Variants in KCNH5 observed in about 807,000 individuals in gnomAD.
KCNH5 encodes potassium voltage-gated channel subfamily H member 5, also known as voltage-gated delayed rectifier potassium channel KCNH5.
Under a neutral mutation model 96.1 loss-of-function variants are expected in KCNH5, and 46 were observed. The ratio of observed to expected loss-of-function variants is 0.48; its 90% CI spans 0.38 to 0.61. KCNH5 has a LOEUF of 0.61. Among genes scored for constraint, KCNH5 ranks in the 20% least tolerant of loss-of-function variants. The probability of loss-of-function intolerance (pLI) is 0.00; values close to 1 mark genes in which losing one functional copy is unlikely to be tolerated. For missense variants in KCNH5, 907 were observed against 1,225.8 expected (o/e 0.74, Z 3.88); for synonymous variants, 439 against 449.8 (o/e 0.98, Z 0.30).
At chr14:62,727,729 T>A (rs571747783) in intron 10 of KCNH5, among the ~76,000 whole-genome samples, 1 of 146,778 alleles carries the variant, frequency 6.8e-6, no homozygotes, top group Non-Finnish European at 1.5e-5. Flanking sequence ...CTGTGGGTGC[T>A]GAGAATACCA....
At chr14:63,024,495 A>G (rs1325191979) in intron 1 of KCNH5, among the ~76,000 whole-genome samples, 1 of 152,064 alleles carries the variant, frequency 6.6e-6, no homozygotes, top group Non-Finnish European at 1.5e-5. Context: ...GTGAAACTAC[A>G]AGTTGGTTTT....
At position 62,907,575 on chromosome 14, in the gene KCNH5, G is replaced by C. The variant is rs1309601186; in HGVS notation, c.1369+42558C>G. Among the ~76,000 whole-genome samples, 4 of 152,328 alleles carry C rather than the reference G, an allele frequency of 2.6e-5. No individual in the cohort carries two copies. The East Asian group carries it at 7.7e-4, about 29-fold the overall frequency. On this transcript the variant is annotated intron_variant, in intron 7 of 10. Transcript: ENST00000322893. ...CAGGGAGATCAGGTTTCCAGGACAG[G>C]AAACCAAGCACTGCAATCCACAAAT...
intron 7 of KCNH5, among the ~76,000 whole-genome samples, chr14:62,925,560 T>C (rs1889459077): frequency 1.3e-5 from 2 of 152,120 alleles, no homozygotes; most frequent in Admixed American, 6.6e-5. Context: ...TTTTGATACA[T>C]ACTCGTTCTG....
chr14:62,965,526 G>A (rs144600882), intron 6 of KCNH5, among the ~76,000 whole-genome samples: 181 of 152,226 alleles, frequency 1.2e-3, no homozygotes, highest in African/African-American at 4.1e-3. Flanking sequence ...CCATGCTCTT[G>A]AACTTCCTAA....
intron 7 of KCNH5, among the ~76,000 whole-genome samples, chr14:62,913,128 G>T (rs1314451081): frequency 3.3e-5 from 5 of 152,170 alleles, no homozygotes; most frequent in Admixed American, 2.0e-4. Context: ...GATTAATGAA[G>T]CTGCAGAATA....
intron 7 of KCNH5, among the ~76,000 whole-genome samples, chr14:62,914,987 G>T (rs1000662317): frequency 2.0e-5 from 3 of 152,184 alleles, no homozygotes; most frequent in African/African-American, 7.2e-5. Flanking sequence ...TAGTCACCTT[G>T]TATTTCCAGA....
In KCNH5 at chr14:62,802,360, G is replaced by T; in HGVS notation, c.1791C>A (p.Val597=). The T allele has an allele frequency of 6.2e-7, 1 of 1,614,060 alleles. No individual in the cohort carries two copies. The highest frequency in any genetic ancestry group is 1.1e-5 in the South Asian group (1 of 91,084). Residue 597 remains valine, a synonymous_variant, in exon 9 of 11, where the codon GTC becomes GTA. Coordinates refer to ENST00000322893, the MANE Select transcript of KCNH5 (RefSeq NM_139318.5). The stretch of plus-strand genomic sequence containing the variant: ...TAGCCACCACCTCATCATCCTGGAT[G>T]ACTTCCAAGGATCCTGACACCACAA... ...LCFVVSGSLE[V]IQDDEVVAIL... is the part of the protein sequence containing the mutation.
chr14:63,039,108 T>C (rs1566550683), intron 1 of KCNH5, among the ~76,000 whole-genome samples: 1 of 152,118 alleles, frequency 6.6e-6, no homozygotes, highest in Admixed American at 6.5e-5. Context: ...CTTTAAGACA[T>C]GTTTCAATTT....
intron 2 of KCNH5, among the ~76,000 whole-genome samples, chr14:63,015,970 G>A (rs971741633): frequency 1.3e-5 from 2 of 150,682 alleles, no homozygotes; most frequent in African/African-American, 4.9e-5. Context: ...GCATCAATGG[G>A]TAGAAAAAAC....
At chr14:62,904,409 G>A (rs1888987291) in intron 7 of KCNH5, among the ~76,000 whole-genome samples, 1 of 152,042 alleles carries the variant, frequency 6.6e-6, no homozygotes, top group Non-Finnish European at 1.5e-5. Context: ...AACTAGAGTG[G>A]GTGTTACATT....
At chr14:63,031,473 A>G (rs1891625163) in intron 1 of KCNH5, among the ~76,000 whole-genome samples, 1 of 152,100 alleles carries the variant, frequency 6.6e-6, no homozygotes, top group African/African-American at 2.4e-5. Context: ...CAATTCCAGG[A>G]GAAAAAAAAT....
intron 4 of KCNH5, among the ~76,000 whole-genome samples, chr14:62,999,311 T>A (rs1298178624): frequency 6.6e-6 from 1 of 152,256 alleles, no homozygotes. Flanking sequence ...TTTTCATGTG[T>A]CTTTTGGCTG....
chr14:62,970,477 G>T (rs1439554044), intron 6 of KCNH5, among the ~76,000 whole-genome samples: 1 of 152,120 alleles, frequency 6.6e-6, no homozygotes, highest in South Asian at 2.1e-4. Flanking sequence ...ATACTTTCTT[G>T]TGCATTTTAT....
At chr14:62,786,893 T>A (rs1409630547) in intron 9 of KCNH5, among the ~76,000 whole-genome samples, 1 of 152,202 alleles carries the variant, frequency 6.6e-6, no homozygotes, top group African/African-American at 2.4e-5. Context: ...GTGTGTGTTT[T>A]AACTACTCCA....
intron 6 of KCNH5, among the ~76,000 whole-genome samples, chr14:62,961,803 T>C (rs1018422317): frequency 5.3e-5 from 8 of 151,068 alleles, no homozygotes; most frequent in Admixed American, 5.3e-4. Context: ...CAGATGCAGA[T>C]GGAGATGGAG....
At chr14:62,991,782 T>A (rs1042410608) in intron 4 of KCNH5, among the ~76,000 whole-genome samples, 15 of 151,976 alleles carry the variant, frequency 9.9e-5, no homozygotes, top group Non-Finnish European at 2.1e-4. Flanking sequence ...CACAAACCCC[T>A]GCCAAAAATG....
In KCNH5 at chr14:62,700,295, AACTGGTTTCC is replaced by A. The variant is rs370013241; in HGVS notation, c.*7203_*7212del. On this transcript the variant is annotated 3_prime_UTR_variant, in exon 11 of 11. Coordinates refer to ENST00000322893, the MANE Select transcript of KCNH5 (RefSeq NM_139318.5). ...GTTTTAGGGTAAAAAAATGGTTCTA[AACTGGTTTCC>A]ACTTTTCATAACAATCACTTAAGAA... 1.6e-4 allele frequency: 24 copies of A among 152,318 alleles called. 2 individuals are homozygous for A. Among genetic ancestry groups the A allele is most frequent in the African/African-American group, 5.8e-4 (24 of 41,584 alleles). 9.4% of individuals were successfully genotyped at this position (152,318 alleles called of 1,614,324 possible).
intron 8 of KCNH5, among the ~76,000 whole-genome samples, chr14:62,807,122 T>C (rs187940026): frequency 6.6e-6 from 1 of 152,272 alleles, no homozygotes; most frequent in African/African-American, 2.4e-5. Flanking sequence ...CTCCTTTCCC[T>C]TTCTTATCAT....
chr14:62,720,420 A>G (rs1271024675), intron 10 of KCNH5, among the ~76,000 whole-genome samples: 1 of 151,870 alleles, frequency 6.6e-6, no homozygotes, highest in Non-Finnish European at 1.5e-5. Context: ...TCTACTAAAC[A>G]ACAACAAAAA....
Sources: gnomAD v4.1 joint callset for allele counts (sites outside exome capture counted in the v4.1 genomes callset) on GRCh38, gnomAD v4.1.1 for gene constraint, MANE v1.5 for transcripts, NCBI Gene and HGNC (gene_info 2026-07-23, HGNC 2026-07-21) for gene names.